Variants in KAZN observed in about 807,000 individuals in gnomAD.
The protein encoded by KAZN is kazrin, periplakin interacting protein, also known as kazrin.
KAZN carries 40 observed loss-of-function variants against 87.4 expected under a neutral mutation model. The ratio of observed to expected loss-of-function variants is 0.46; its 90% CI spans 0.36 to 0.60. KAZN has a LOEUF of 0.60. KAZN is among the 20% of genes least tolerant of loss of function. The pLI is 0.00. For missense variants in KAZN, 898 were observed against 1,073.9 expected, an observed-to-expected ratio of 0.84 and a Z score of 2.29; for synonymous variants, 466 against 458.3, an observed-to-expected ratio of 1.02 and a Z score of -0.22.
intron 1 of KAZN, among the ~76,000 whole-genome samples, chr1:14,145,442 T>C (rs911161833): frequency 2.6e-5 from 4 of 151,968 alleles, no homozygotes; most frequent in Non-Finnish European, 5.9e-5. Flanking sequence ...AGACCATGTC[T>C]CTGAAAAAAA....
intron 1 of KAZN, among the ~76,000 whole-genome samples, chr1:14,114,835 C>T (rs183224951): frequency 9.5e-4 from 144 of 152,310 alleles, no homozygotes; most frequent in Non-Finnish European, 1.2e-3. Flanking sequence ...ACAATGATTC[C>T]ATAAGGCAGG....
chr1:14,031,899 G>A lies in KAZN; in HGVS notation c.91+138143G>A, dbSNP rs142588395. 2.0e-3 allele frequency among the ~76,000 whole-genome samples: 295 copies of A among 144,456 alleles called. 2 individuals carry two copies. Among genetic ancestry groups the A allele is most frequent in the African/African-American group, 8.2e-3 (281 of 34,092 alleles). The allele number at this position is 144,456 out of a possible 152,430, so 94.8% of individuals were successfully genotyped here. On this transcript the variant is annotated intron_variant, in intron 1 of 16. Transcript: ENST00000636203. Reference sequence around the variant, plus strand: ...AAACCCAAAGAAACTTGCTTTTCTTGTTAACAAAACCATCTTCATACCCTT... The same window carrying A: ...AAACCCAAAGAAACTTGCTTTTCTTATTAACAAAACCATCTTCATACCCTT...
chr1:13,986,492 TAGTTAG>T (rs1250448281), intron 1 of KAZN, among the ~76,000 whole-genome samples: 1 of 152,212 alleles, frequency 6.6e-6, no homozygotes, highest in Non-Finnish European at 1.5e-5. Context: ...TTATAGGTCC[TAGTTAG>T]AGTTAGAGAC....
chr1:14,065,400 A>G (rs2101534755), intron 1 of KAZN, among the ~76,000 whole-genome samples: 1 of 152,326 alleles, frequency 6.6e-6, no homozygotes, highest in East Asian at 1.9e-4. Flanking sequence ...GTGTTAGGGT[A>G]AAAGAGGCTA....
At chr1:14,093,451 T>C (rs532769367) in intron 1 of KAZN, among the ~76,000 whole-genome samples, 1 of 152,360 alleles carries the variant, frequency 6.6e-6, no homozygotes, top group South Asian at 2.1e-4. Context: ...AAGTGCTTTT[T>C]AATAGAATAT....
chr1:15,109,637 ATG>A (rs566021878), intron 13 of KAZN, among the ~76,000 whole-genome samples: 3,133 of 128,940 alleles, frequency 0.024, 124 homozygotes, highest in African/African-American at 0.086. Flanking sequence ...ATATATGTGT[ATG>A]TGTGTTTGTA....
intron 1 of KAZN, among the ~76,000 whole-genome samples, chr1:14,669,990 G>A (rs1000751117): frequency 1.3e-5 from 2 of 152,106 alleles, no homozygotes; most frequent in Admixed American, 6.5e-5. Context: ...CTTTAAAAGA[G>A]AACAGCCATA....
At chr1:14,603,991 G>A (rs999383744) in intron 1 of KAZN, among the ~76,000 whole-genome samples, 3 of 152,162 alleles carry the variant, frequency 2.0e-5, no homozygotes, top group African/African-American at 7.2e-5. Flanking sequence ...ATGTAGGTAA[G>A]GACAGTGAAA....
At chr1:14,818,379 A>G (rs1347937598) in intron 1 of KAZN, among the ~76,000 whole-genome samples, 1 of 152,230 alleles carries the variant, frequency 6.6e-6, no homozygotes, top group Non-Finnish European at 1.5e-5. Context: ...ACAAGTGTTC[A>G]GTGTGAATTT....
intron 2 of KAZN, among the ~76,000 whole-genome samples, chr1:14,981,849 G>A (rs1476289175): frequency 2.0e-5 from 3 of 152,210 alleles, no homozygotes; most frequent in African/African-American, 7.2e-5. Flanking sequence ...GGGATGCAGT[G>A]CCTTTTCAAC....
chr1:14,158,784 G>A (rs955041173), intron 1 of KAZN, among the ~76,000 whole-genome samples: 8 of 152,288 alleles, frequency 5.3e-5, no homozygotes, highest in Admixed American at 3.9e-4. Flanking sequence ...AAATGACTTA[G>A]GTGTTATGAT....
chr1:14,547,125 C>T (rs1673200912), intron 2 of KAZN, among the ~76,000 whole-genome samples: 1 of 152,222 alleles, frequency 6.6e-6, no homozygotes. Context: ...TCAGCCTCTT[C>T]CCCTGTGAAC....
chr1:14,737,583 G>A (rs1643945791), intron 1 of KAZN, among the ~76,000 whole-genome samples: 1 of 152,222 alleles, frequency 6.6e-6, no homozygotes, highest in African/African-American at 2.4e-5. Flanking sequence ...TTACCTCGCA[G>A]CTTCTGGAGT....
intron 1 of KAZN, among the ~76,000 whole-genome samples, chr1:14,666,229 T>C (rs1211661487): frequency 6.6e-6 from 1 of 151,844 alleles, no homozygotes. Flanking sequence ...ATAGAAGTGA[T>C]TGAATATGGG....
At chr1:14,967,526 G>A (rs574203396) in intron 2 of KAZN, among the ~76,000 whole-genome samples, 4 of 152,274 alleles carry the variant, frequency 2.6e-5, no homozygotes, top group South Asian at 2.1e-4. Context: ...TAGGTCACAC[G>A]GCAAAGGGGA....
chr1:14,850,889 G>C (rs927383569), intron 1 of KAZN, among the ~76,000 whole-genome samples: 9 of 152,146 alleles, frequency 5.9e-5, no homozygotes, highest in African/African-American at 1.7e-4. Context: ...TGGTTTCCTA[G>C]CCCAGCTCTC....
chr1:14,091,920 C>A (rs529092033), intron 1 of KAZN, among the ~76,000 whole-genome samples: 3 of 151,950 alleles, frequency 2.0e-5, no homozygotes, highest in African/African-American at 7.3e-5. Flanking sequence ...TGAAAGAGCA[C>A]GCTAACAATG....
At chr1:14,927,726 A>G (rs1388840126) in intron 1 of KAZN, among the ~76,000 whole-genome samples, 2 of 152,184 alleles carry the variant, frequency 1.3e-5, no homozygotes. Flanking sequence ...CTTAACCCCG[A>G]GCTCAGAAAG....
intron 2 of KAZN, among the ~76,000 whole-genome samples, chr1:14,440,391 A>G (rs1321415902): frequency 3.9e-5 from 6 of 152,212 alleles, no homozygotes; most frequent in Non-Finnish European, 2.9e-5. Flanking sequence ...TCTTTGCTGT[A>G]GACATGAAGG....
Sources: gnomAD v4.1 joint callset for allele counts (sites outside exome capture counted in the v4.1 genomes callset) on GRCh38, gnomAD v4.1.1 for gene constraint, MANE v1.5 for transcripts, NCBI Gene and HGNC (gene_info 2026-07-23, HGNC 2026-07-21) for gene names.